KCNK2: variants seen among roughly 807,000 people sequenced by gnomAD.
KCNK2 encodes potassium two pore domain channel subfamily K member 2.
A neutral mutation model predicts 40.5 loss-of-function variants in KCNK2; 21 were observed. The observed-to-expected ratio is 0.52, with a 90% CI of 0.37 to 0.75. The LOEUF is 0.75. Among genes scored for constraint, KCNK2 ranks in the 30% least tolerant of loss-of-function variants. The pLI, the probability that KCNK2 is intolerant of heterozygous loss-of-function variation, is 0.00. For synonymous variants in KCNK2, 191 were observed against 202.2 expected (o/e 0.94, Z 0.47); for missense variants, 399 against 531.6 (o/e 0.75, Z 2.45).
intron 2 of KCNK2, among the ~76,000 whole-genome samples, chr1:215,114,418 G>A (rs1660831592): frequency 6.6e-6 from 1 of 152,090 alleles, no homozygotes; most frequent in African/African-American, 2.4e-5. Context: ...TACTGGACAG[G>A]TGTCAAAGGG....
At chr1:215,059,213 G>A (rs1658284557) in intron 1 of KCNK2, among the ~76,000 whole-genome samples, 1 of 152,016 alleles carries the variant, frequency 6.6e-6, no homozygotes, top group Admixed American at 6.6e-5. Flanking sequence ...AGCTCCAGGA[G>A]AGCAGAGGCC....
chr1:215,011,591 C>T (rs1656390543), intron 1 of KCNK2, among the ~76,000 whole-genome samples: 1 of 151,534 alleles, frequency 6.6e-6, no homozygotes, highest in African/African-American at 2.4e-5. Flanking sequence ...CATGCCCGGC[C>T]TTGAGTCTGA....
In KCNK2 at chr1:215,174,193, A is replaced by G. The variant is rs1414575732; in HGVS notation, c.823+2010A>G. ...CAGTTTCAGCTTTCTACATATGGCT[A>G]GCCAGTTTTCCCAGCACCATTTATT... On this transcript the variant is annotated intron_variant, in intron 5 of 6. Coordinates refer to ENST00000444842, the MANE Select transcript of KCNK2 (RefSeq NM_001017425.3). 3.3e-5 allele frequency among the ~76,000 whole-genome samples: 5 copies of G among 152,088 alleles called. No individual in the cohort carries two copies. The East Asian group carries it at 9.6e-4, about 29-fold the overall frequency.
intron 6 of KCNK2, 134 bp downstream of exon 6, chr1:215,195,226 G>A (rs1423508466): frequency 1.5e-6 from 1 of 679,574 alleles, no homozygotes; most frequent in Non-Finnish European, 2.2e-6. Flanking sequence ...GCATGAATTT[G>A]CTGTATTAGG....
At chr1:215,141,872 C>A (rs74140932) in intron 3 of KCNK2, among the ~76,000 whole-genome samples, 2,315 of 152,164 alleles carry the variant, frequency 0.015, 60 homozygotes, top group African/African-American at 0.051. Flanking sequence ...AGAAAGTTTT[C>A]TATTACATTA....
chr1:215,200,803 T>C (rs935417319), intron 6 of KCNK2, among the ~76,000 whole-genome samples: 1 of 152,134 alleles, frequency 6.6e-6, no homozygotes. Flanking sequence ...AAAAGGAGAA[T>C]GACATCCATA....
chr1:215,011,833 C>G (rs1436792033), intron 1 of KCNK2, among the ~76,000 whole-genome samples: 1 of 151,132 alleles, frequency 6.6e-6, no homozygotes, highest in Non-Finnish European at 1.5e-5. Context: ...GTCTTGATCT[C>G]CTGACCTCGT....
chr1:215,168,036 T>C (rs540020962), intron 3 of KCNK2, among the ~76,000 whole-genome samples: 1 of 151,524 alleles, frequency 6.6e-6, no homozygotes, highest in African/African-American at 2.4e-5. Flanking sequence ...AAAAAACCGA[T>C]AAAAAACTGG....
At chr1:215,121,403 TC>T (rs1200305466) in intron 2 of KCNK2, among the ~76,000 whole-genome samples, 2 of 152,104 alleles carry the variant, frequency 1.3e-5, no homozygotes, top group Non-Finnish European at 2.9e-5. Flanking sequence ...CACCTCAGCC[TC>T]CCTAGTAGCT....
chr1:215,153,685 G>T (rs1161594479), intron 3 of KCNK2, among the ~76,000 whole-genome samples: 1 of 151,710 alleles, frequency 6.6e-6, no homozygotes, highest in African/African-American at 2.4e-5. Context: ...CGTTACATAG[G>T]TATACGTGTG....
At chr1:215,083,633 G>T in intron 1 of KCNK2, 1 of 606,602 alleles carries the variant, frequency 1.6e-6, no homozygotes, top group Non-Finnish European at 2.9e-6. Flanking sequence ...CCCCTCTCCC[G>T]CCGGTGCCCG....
intron 6 of KCNK2, among the ~76,000 whole-genome samples, chr1:215,220,802 T>C (rs1666139372): frequency 8.0e-6 from 1 of 124,952 alleles, no homozygotes; most frequent in African/African-American, 3.4e-5. Context: ...GAATGCATAT[T>C]ATGGCAAATG....
chr1:215,007,971 A>G (rs1353331827), intron 1 of KCNK2, among the ~76,000 whole-genome samples: 3 of 152,156 alleles, frequency 2.0e-5, no homozygotes, highest in Admixed American at 2.0e-4. Flanking sequence ...ATTCTACAGG[A>G]ATAGCTTGGA....
chr1:215,021,970 T>G (rs1161766996), intron 1 of KCNK2, among the ~76,000 whole-genome samples: 1 of 152,178 alleles, frequency 6.6e-6, no homozygotes, highest in African/African-American at 2.4e-5. Flanking sequence ...CTTACAGCAC[T>G]GGCTGCACTG....
chr1:215,007,773 A>G (rs1656236602), intron 1 of KCNK2, among the ~76,000 whole-genome samples: 1 of 152,194 alleles, frequency 6.6e-6, no homozygotes. Context: ...CTACTTTTGT[A>G]TAATCATCTA....
chr1:215,081,348 G>A (rs912791297), upstream of KCNK2, among the ~76,000 whole-genome samples: 9 of 152,078 alleles, frequency 5.9e-5, no homozygotes, highest in Non-Finnish European at 1.5e-5. Context: ...CACATTATAG[G>A]TGACCTAGAG....
intron 1 of KCNK2, among the ~76,000 whole-genome samples, chr1:215,024,962 TTTTAA>T (rs1558060655): frequency 3.8e-5 from 2 of 52,666 alleles, no homozygotes. Flanking sequence ...TTTTTTTTTT[TTTTAA>T]CTGAGATAAA....
intron 5 of KCNK2, among the ~76,000 whole-genome samples, chr1:215,177,736 A>ATT (rs1329869892): frequency 2.4e-4 from 14 of 58,302 alleles, no homozygotes; most frequent in African/African-American, 7.6e-4. Context: ...ATATATATAT[A>ATT]TATATTTTTT....
At chr1:215,007,029 A>ATATATATGTGTGTGTGTGTG (rs1553254670) in intron 1 of KCNK2, among the ~76,000 whole-genome samples, 3 of 68,436 alleles carry the variant, frequency 4.4e-5, no homozygotes, top group Non-Finnish European at 9.3e-5. Flanking sequence ...ATATATATAT[A>ATATATATGTGTGTGTGTGTG]TATATATATG....
Sources: allele counts gnomAD v4.1 joint callset (sites outside exome capture counted in the v4.1 genomes callset), GRCh38; gene constraint gnomAD v4.1.1; transcripts MANE v1.5; gene names NCBI Gene and HGNC (gene_info 2026-07-23, HGNC 2026-07-21).